Variants in ERBIN observed in about 807,000 individuals in gnomAD.
The protein encoded by ERBIN is erbb2 interacting protein.
Under a neutral mutation model 158.4 loss-of-function variants are expected in ERBIN, and 60 were observed. The observed-to-expected ratio is 0.38, with a 90% CI of 0.31 to 0.47. ERBIN has a LOEUF of 0.47. ERBIN is among the 20% of genes least tolerant of loss of function. ERBIN has a pLI of 0.99. For synonymous variants in ERBIN, 594 were observed against 557.2 expected (o/e 1.07, Z -0.93); for missense variants, 1,610 against 1,648.0 (o/e 0.98, Z 0.40).
intron 1 of ERBIN, among the ~76,000 whole-genome samples, chr5:65,978,463 TC>T (rs1750281051): frequency 1.9e-5 from 2 of 106,348 alleles, no homozygotes; most frequent in Admixed American, 1.8e-4. Context: ...CACAGATTCT[TC>T]AACCTTGATC....
intron 18 of ERBIN, among the ~76,000 whole-genome samples, chr5:66,047,979 G>C (rs1580457738): frequency 6.6e-6 from 1 of 151,886 alleles, no homozygotes; most frequent in East Asian, 1.9e-4. Flanking sequence ...TGTACTAAGT[G>C]TTAAAGAAAT....
chr5:66,047,851 T>G (rs935056398), intron 18 of ERBIN, among the ~76,000 whole-genome samples: 4 of 151,986 alleles, frequency 2.6e-5, no homozygotes, highest in Non-Finnish European at 5.9e-5. Context: ...TAGTGTAATT[T>G]CTATGTGTAA....
chr5:66,057,499 T>C (rs1435398078), intron 21 of ERBIN, among the ~76,000 whole-genome samples: 1 of 152,194 alleles, frequency 6.6e-6, no homozygotes, highest in Non-Finnish European at 1.5e-5. Flanking sequence ...TTCTTAAAAA[T>C]TTATAGTTCA....
chr5:65,990,772 T>G (rs1334194928), intron 2 of ERBIN, among the ~76,000 whole-genome samples: 1 of 151,876 alleles, frequency 6.6e-6, no homozygotes, highest in Non-Finnish European at 1.5e-5. Flanking sequence ...AAAATTTTTT[T>G]TTTTTTGAGA....
intron 21 of ERBIN, among the ~76,000 whole-genome samples, chr5:66,071,746 A>G (rs1051147148): frequency 6.7e-6 from 1 of 149,944 alleles, no homozygotes; most frequent in Non-Finnish European, 1.5e-5. Context: ...TTTTTTACCA[A>G]AAATCTTTTT....
chr5:65,936,300 G>T (rs868444667), intron 1 of ERBIN, among the ~76,000 whole-genome samples: 1 of 152,114 alleles, frequency 6.6e-6, no homozygotes, highest in African/African-American at 2.4e-5. Flanking sequence ...ATAGATTTTG[G>T]AAGTGATTTA....
intron 4 of ERBIN, among the ~76,000 whole-genome samples, chr5:66,001,548 A>G (rs1331613646): frequency 6.6e-6 from 1 of 152,100 alleles, no homozygotes; most frequent in African/African-American, 2.4e-5. Flanking sequence ...TTCTCTGTTT[A>G]TTGGTCTGGT....
chr5:65,940,305 G>A (rs1744710096), intron 1 of ERBIN, among the ~76,000 whole-genome samples: 1 of 149,112 alleles, frequency 6.7e-6, no homozygotes, highest in African/African-American at 2.5e-5. Flanking sequence ...GAGACCCTCC[G>A]CCTGGCAACC....
At chr5:66,006,268 A>C (rs1753587884) in intron 4 of ERBIN, among the ~76,000 whole-genome samples, 1 of 152,196 alleles carries the variant, frequency 6.6e-6, no homozygotes, top group Admixed American at 6.5e-5. Context: ...TCTTTGACAA[A>C]CCTGACAAAA....
chr5:66,054,269 G>C lies in ERBIN; in HGVS notation c.2951G>C (p.Ser984Thr), dbSNP rs921539028. ...CAGTATAATATCCAATACAGTAGCAGTGCTGCAGTCAAAGACACTTTGTGG... is the reference window on the plus strand; with the variant it reads ...CAGTATAATATCCAATACAGTAGCACTGCTGCAGTCAAAGACACTTTGTGG... Reference protein sequence around the residue: ...PPQYNIQYSSSAAVKDTLWHS... With the variant: ...PPQYNIQYSSTAAVKDTLWHS... The change falls in exon 21 of 26, where the codon AGT becomes ACT. Residue 984 changes from serine to threonine, a missense_variant. This residue lies in a region of ERBIN where 1,014 missense variants were observed against 936.1 expected (regional missense o/e 1.08). Coordinates refer to ENST00000284037, the MANE Select transcript of ERBIN (RefSeq NM_001253697.2). 7.4e-6 allele frequency: 12 copies of C among 1,614,152 alleles called. No individual in the cohort carries two copies. Among genetic ancestry groups the C allele is most frequent in the Non-Finnish European group, 9.3e-6 (11 of 1,180,030 alleles).
rs994543534 is a variant in ERBIN, at chr5:66,058,922, C to T, written c.3633+3971C>T. ...CCCTGTTTTGGTACCAGTACCGTGC[C>T]GTTTTGGTTACTGTAGCCTTGTAGT... On this transcript the variant is annotated intron_variant, in intron 21 of 25. Transcript: ENST00000284037. Among the ~76,000 whole-genome samples the T allele has an allele frequency of 2.2e-4, 33 of 152,114 alleles. 1 individual carries two copies. In the East Asian group the frequency reaches 3.3e-3, roughly 15 times the overall value.
At chr5:65,970,200 CATA>C (rs1163278468) in intron 1 of ERBIN, among the ~76,000 whole-genome samples, 18 of 152,158 alleles carry the variant, frequency 1.2e-4, no homozygotes, top group African/African-American at 4.1e-4. Context: ...ACATTCCCCT[CATA>C]TTTTATAAGT....
chr5:66,046,163 T>C (rs1758419855), intron 17 of ERBIN, among the ~76,000 whole-genome samples, 190 bp from the exon 18 acceptor site: 1 of 152,218 alleles, frequency 6.6e-6, no homozygotes, highest in South Asian at 2.1e-4. Context: ...CTCATGGATC[T>C]TTGGGGGCCA....
In ERBIN at chr5:66,039,632, T is replaced by G. The variant is rs539545106; in HGVS notation, c.1306+1150T>G. Among the ~76,000 whole-genome samples the G allele has an allele frequency of 2.0e-4, 31 of 152,116 alleles. No homozygotes were observed. In the South Asian group the frequency reaches 6.2e-3, roughly 30 times the overall value. The stretch of plus-strand genomic sequence containing the variant: ...TTCTATTTTTAACTTAATTTCTAAT[T>G]CATGAAATTATTGTTCACATAAAAC... On this transcript the variant is annotated intron_variant, in intron 15 of 25. Transcript: ENST00000284037.
At chr5:66,033,596 T>A (rs183067606) in intron 14 of ERBIN, among the ~76,000 whole-genome samples, 1 of 152,174 alleles carries the variant, frequency 6.6e-6, no homozygotes, top group South Asian at 2.1e-4. Flanking sequence ...AAAGTAATTA[T>A]AGAGGTATAT....
chr5:65,977,510 TC>T (rs1297812809), intron 1 of ERBIN, among the ~76,000 whole-genome samples: 1 of 147,266 alleles, frequency 6.8e-6, no homozygotes, highest in Non-Finnish European at 1.5e-5. Context: ...GCTCCTCACA[TC>T]CCGGACGGGG....
intron 21 of ERBIN, among the ~76,000 whole-genome samples, chr5:66,059,343 G>T: frequency 6.6e-6 from 1 of 152,004 alleles, no homozygotes; most frequent in East Asian, 1.9e-4. Flanking sequence ...CTGTTTGTCT[G>T]TTATTGGTGT....
rs869119758 is a variant in ERBIN, at chr5:66,050,226, C to CTT, written c.1904-522_1904-521dup. Among the ~76,000 whole-genome samples, 57 of 9,760 alleles carry CTT rather than the reference C, an allele frequency of 5.8e-3. 26 individuals are homozygous for CTT. The highest frequency in any genetic ancestry group is 0.026 in the Admixed American group (23 of 882). 6.4% of individuals were successfully genotyped at this position (9,760 alleles called of 152,430 possible). A position where few individuals can be genotyped will look rare whatever the true frequency, so the allele number is the denominator to read the frequency against. On this transcript the variant is annotated intron_variant, in intron 19 of 25. Coordinates refer to ENST00000284037, the MANE Select transcript of ERBIN (RefSeq NM_001253697.2). Reference sequence around the variant, plus strand: ...ACCTTGTCAGTAACTAAATCGAATTCTTTTTTTTTTTTTTTTTTTTTTTTT... The same window carrying CTT: ...ACCTTGTCAGTAACTAAATCGAATTCTTTTTTTTTTTTTTTTTTTTTTTTTTT...
At chr5:65,994,390 A>C (rs1200302547) in intron 3 of ERBIN, among the ~76,000 whole-genome samples, 1 of 152,196 alleles carries the variant, frequency 6.6e-6, no homozygotes, top group African/African-American at 2.4e-5. Context: ...TTTTAGAAGA[A>C]TACTCTTCTT....
Sources: gnomAD v4.1 joint callset for allele counts (sites outside exome capture counted in the v4.1 genomes callset) on GRCh38, gnomAD v4.1.1 for gene constraint, gnomAD v4.1.1 regional missense constraint, MANE v1.5 for transcripts, NCBI Gene and HGNC (gene_info 2026-07-23, HGNC 2026-07-21) for gene names.